The following MEGF10 variants were observed in gnomAD, a reference collection of about 807,000 sequenced individuals.
MEGF10 encodes the protein multiple EGF like domains 10.
Under a neutral mutation model 147.5 loss-of-function variants are expected in MEGF10, and 86 were observed. The ratio of observed to expected loss-of-function variants is 0.58; its 90% CI spans 0.49 to 0.70. MEGF10 has a LOEUF of 0.70. Ranked by LOEUF, MEGF10 falls within the 30% of genes least tolerant of loss-of-function variation. The pLI is 0.00. For synonymous variants in MEGF10, 478 were observed against 525.5 expected (o/e 0.91, Z 1.24); for missense variants, 1,329 against 1,487.3 (o/e 0.89, Z 1.75).
intron 2 of MEGF10, among the ~76,000 whole-genome samples, chr5:127,334,989 C>T (rs1441776186): frequency 1.3e-5 from 2 of 152,108 alleles, no homozygotes; most frequent in African/African-American, 2.4e-5. Flanking sequence ...TCCCCCACTC[C>T]CTGGTTCTTT....
intron 5 of MEGF10, among the ~76,000 whole-genome samples, chr5:127,385,551 G>T (rs962137933): frequency 2.6e-5 from 4 of 152,200 alleles, no homozygotes; most frequent in African/African-American, 9.6e-5. Flanking sequence ...GGAATTACAG[G>T]CATGAGCCAC....
At chr5:127,308,637 C>T (rs1171083936) in intron 1 of MEGF10, among the ~76,000 whole-genome samples, 1 of 151,714 alleles carries the variant, frequency 6.6e-6, no homozygotes, top group East Asian at 1.9e-4. Context: ...ACTGCATGTT[C>T]TCACTCATAG....
intron 1 of MEGF10, among the ~76,000 whole-genome samples, chr5:127,326,950 A>G (rs561249113): frequency 9.2e-5 from 14 of 152,362 alleles, no homozygotes; most frequent in Non-Finnish European, 1.3e-4. Context: ...TCAAAAATAA[A>G]TTAGTAAGTC....
At chr5:127,356,317 A>G (rs758366889) in intron 4 of MEGF10, among the ~76,000 whole-genome samples, 44 of 152,224 alleles carry the variant, frequency 2.9e-4, no homozygotes, top group Non-Finnish European at 5.4e-4. Flanking sequence ...GGTAGAATCA[A>G]TGCTGCACTG....
In MEGF10 at chr5:127,458,772, C is replaced by T. The variant is rs1277951732; in HGVS notation, c.*1454C>T. ...AGGGAGAAGGGGAGCAGAAAGGAAA[C>T]GTTGTTACTGATGAGTACCACAGAC... On this transcript the variant is annotated 3_prime_UTR_variant, in exon 25 of 25. Coordinates refer to ENST00000503335, the MANE Select transcript of MEGF10 (RefSeq NM_001256545.2). The T allele has an allele frequency of 2.0e-5, 3 of 151,972 alleles. No homozygotes were observed. The highest frequency in any genetic ancestry group is 2.9e-5 in the Non-Finnish European group (2 of 68,008). The allele number at this position is 151,972 out of a possible 1,614,324, so 9.4% of individuals were successfully genotyped here.
At chr5:127,297,762 A>G (rs1354890752) in intron 1 of MEGF10, among the ~76,000 whole-genome samples, 1 of 152,188 alleles carries the variant, frequency 6.6e-6, no homozygotes, top group Admixed American at 6.5e-5. Context: ...AACCCTTCAC[A>G]TTACACTGCA....
intron 3 of MEGF10, among the ~76,000 whole-genome samples, chr5:127,340,268 T>C (rs745879562): frequency 1.6e-4 from 24 of 152,186 alleles, no homozygotes; most frequent in Non-Finnish European, 3.5e-4. Context: ...GAATGATGCT[T>C]TGATGGGTAT....
At chr5:127,313,388 G>A (rs993861686) in intron 1 of MEGF10, among the ~76,000 whole-genome samples, 2 of 152,082 alleles carry the variant, frequency 1.3e-5, no homozygotes, top group African/African-American at 4.8e-5. Context: ...CTCTTAACCT[G>A]ACCCATAAAG....
At chr5:127,290,219 T>G (rs557956821), upstream of MEGF10, among the ~76,000 whole-genome samples, 2 of 152,092 alleles carry the variant, frequency 1.3e-5, no homozygotes, top group African/African-American at 2.4e-5. Flanking sequence ...AAGCAGACTA[T>G]CCCACCCTCC....
chr5:127,308,769 C>T (rs369043100), intron 1 of MEGF10, among the ~76,000 whole-genome samples: 3 of 151,540 alleles, frequency 2.0e-5, no homozygotes, highest in East Asian at 1.9e-4. Flanking sequence ...TGTTAAATGA[C>T]GAGTTAATGG....
At position 127,445,275 on chromosome 5, in the gene MEGF10, G is replaced by A. The variant is rs7711243; in HGVS notation, c.2492-182G>A. ...TTACAGCAGCCTTTCTCTGGGCATG[G>A]ATAGGCCGACAACATCTGACAATGA... On this transcript the variant is annotated intron_variant, in intron 19 of 24. Coordinates refer to ENST00000503335, the MANE Select transcript of MEGF10 (RefSeq NM_001256545.2). 1,457 of 602,834 alleles carry A rather than the reference G, an allele frequency of 2.4e-3. 6 individuals carry two copies. Among genetic ancestry groups the A allele is most frequent in the Non-Finnish European group, 3.7e-3 (1,274 of 339,922 alleles). The allele number at this position is 602,834 out of a possible 1,614,324, so 37.3% of individuals were successfully genotyped here. A position where few individuals can be genotyped will look rare whatever the true frequency, so the allele number is the denominator to read the frequency against.
At chr5:127,305,609 T>TA (rs922172017) in intron 1 of MEGF10, among the ~76,000 whole-genome samples, 4 of 151,734 alleles carry the variant, frequency 2.6e-5, no homozygotes, top group East Asian at 1.9e-4. Context: ...CTTCCGCCAT[T>TA]AAAAAAAACA....
chr5:127,435,397 G>A lies in MEGF10; in HGVS notation c.2012G>A (p.Gly671Glu). The A allele has an allele frequency of 6.2e-7, 1 of 1,614,106 alleles. No individual in the cohort carries two copies. The highest frequency in any genetic ancestry group is 8.5e-7 in the Non-Finnish European group (1 of 1,180,012). Residue 671 changes from glycine to glutamate, a missense_variant, in exon 16 of 25, where the codon GGA becomes GAA. Gly to Glu is a moderately conservative substitution (Grantham distance 98). Around this residue, in one of 3 missense-constraint regions of MEGF10, gnomAD observed 980 missense variants for 1,085.9 expected, o/e 0.90. Coordinates refer to ENST00000503335, the MANE Select transcript of MEGF10 (RefSeq NM_001256545.2). ...PSGRFGKNCA[G>E]ICTCTNNGTC... ...GGCAGATTTGGGAAAAACTGTGCAG[G>A]AATTTGTACCTGCACCAACAACGGA...
intron 17 of MEGF10, among the ~76,000 whole-genome samples, chr5:127,438,944 G>A (rs1017946290): frequency 1.3e-5 from 2 of 152,188 alleles, no homozygotes; most frequent in African/African-American, 4.8e-5. Context: ...CTGATTTAAT[G>A]TGCGCTCTTG....
intron 13 of MEGF10, among the ~76,000 whole-genome samples, chr5:127,425,619 A>T (rs1172938701): frequency 1.3e-5 from 2 of 148,272 alleles, no homozygotes; most frequent in African/African-American, 2.5e-5. Flanking sequence ...GAATTGGCTT[A>T]TTTTTTTTTT....
intron 13 of MEGF10, chr5:127,424,372 C>T (rs2126983065): frequency 2.7e-6 from 2 of 746,748 alleles, no homozygotes; most frequent in East Asian, 5.3e-5. Flanking sequence ...CTTGAATTTC[C>T]ATGTGAATGG....
At chr5:127,410,066 A>T (rs1764495773) in intron 8 of MEGF10, among the ~76,000 whole-genome samples, 1 of 152,232 alleles carries the variant, frequency 6.6e-6, no homozygotes, top group Non-Finnish European at 1.5e-5. Context: ...CTTAGTATCT[A>T]CTAAAGTGCT....
intron 8 of MEGF10, among the ~76,000 whole-genome samples, chr5:127,408,748 C>T (rs1764431273): frequency 1.3e-5 from 2 of 152,138 alleles, no homozygotes; most frequent in Admixed American, 1.3e-4. Flanking sequence ...GTCTCCATCA[C>T]ATTAAATATA....
At chr5:127,453,125 C>G (rs983162696) in intron 22 of MEGF10, among the ~76,000 whole-genome samples, 1 of 152,306 alleles carries the variant, frequency 6.6e-6, no homozygotes, top group East Asian at 1.9e-4. Flanking sequence ...GCAAGGATAT[C>G]GTTTCCTTAA....
Sources: gnomAD v4.1 joint callset for allele counts (sites outside exome capture counted in the v4.1 genomes callset) on GRCh38, gnomAD v4.1.1 for gene constraint, gnomAD v4.1.1 regional missense constraint, MANE v1.5 for transcripts, NCBI Gene and HGNC (gene_info 2026-07-23, HGNC 2026-07-21) for gene names.